TBX18: variants seen among roughly 807,000 people sequenced by gnomAD.
The protein encoded by TBX18 is T-box transcription factor 18, also known as T-box transcription factor TBX18.
TBX18 carries 21 observed loss-of-function variants against 55.0 expected under a neutral mutation model. The observed-to-expected ratio is 0.38, with a 90% CI of 0.27 to 0.55. The LOEUF (loss-of-function observed/expected upper bound fraction) is 0.55, where lower values mean the gene tolerates loss of function less well. TBX18 is among the 20% of genes least tolerant of loss of function. The pLI is 0.73. For missense variants in TBX18, 840 were observed against 799.6 expected (o/e 1.05, Z -0.61); for synonymous variants, 342 against 326.1 (o/e 1.05, Z -0.53).
At chr6:84,755,604 G>T (rs535004453) in intron 4 of TBX18, among the ~76,000 whole-genome samples, 1 of 152,160 alleles carries the variant, frequency 6.6e-6, no homozygotes, top group Non-Finnish European at 1.5e-5. Flanking sequence ...ACATGAAGTT[G>T]GGTACAGAAA....
At chr6:84,738,947 C>G (rs1582064729) in intron 6 of TBX18, among the ~76,000 whole-genome samples, 1 of 152,320 alleles carries the variant, frequency 6.6e-6, no homozygotes, top group East Asian at 1.9e-4. Flanking sequence ...AACACACCCA[C>G]TCTCCTTGTC....
At chr6:84,754,547 A>C (rs1262597814) in intron 4 of TBX18, among the ~76,000 whole-genome samples, 1 of 152,158 alleles carries the variant, frequency 6.6e-6, no homozygotes, top group Non-Finnish European at 1.5e-5. Context: ...CTGCTATGTT[A>C]TTTATTTCCC....
chr6:84,763,497 G>T, intron 1 of TBX18: 1 of 483,578 alleles, frequency 2.1e-6, no homozygotes, highest in South Asian at 1.5e-5. Context: ...CATTCGTTCC[G>T]GTTTCAGGGT....
chr6:84,750,117 C>T (rs1332668337), intron 4 of TBX18, among the ~76,000 whole-genome samples: 1 of 151,980 alleles, frequency 6.6e-6, no homozygotes, highest in Admixed American at 6.6e-5. Context: ...AACTCTGTCT[C>T]TACTAAAAAT....
intron 5 of TBX18, among the ~76,000 whole-genome samples, chr6:84,745,953 G>T (rs2127874567): frequency 6.6e-6 from 1 of 152,186 alleles, no homozygotes; most frequent in Non-Finnish European, 1.5e-5. Context: ...AGTAAGCCAG[G>T]ACCACAGGCT....
chr6:84,737,317 GAGAGGAGCA>G lies in TBX18; in HGVS notation c.1183_1191del (p.Cys395_Ser397del), dbSNP rs754599878. On this transcript the variant is annotated inframe_deletion, in exon 8 of 8. Coordinates refer to ENST00000369663, the MANE Select transcript of TBX18 (RefSeq NM_001080508.3). ...GTGTTGGGCCCCAGATGGAAGGCAG[GAGAGGAGCA>G]AGAGGAGCCAGACAAAAGGTGAGGG... is the stretch of plus-strand genomic sequence containing the variant. The G allele has an allele frequency of 1.2e-5, 20 of 1,600,978 alleles. No individual in the cohort carries two copies. In the South Asian group the frequency reaches 2.3e-4, roughly 18 times the overall value.
chr6:84,751,047 C>A (rs1312292608), intron 4 of TBX18, among the ~76,000 whole-genome samples: 2 of 152,140 alleles, frequency 1.3e-5, no homozygotes, highest in Non-Finnish European at 2.9e-5. Flanking sequence ...AGGGACAAAA[C>A]AATGACACTT....
intron 7 of TBX18, 54 bp downstream of exon 7, chr6:84,738,443 A>G: frequency 7.5e-7 from 1 of 1,338,008 alleles, no homozygotes; most frequent in Non-Finnish European, 1.1e-6. Flanking sequence ...TTAGTGCCTG[A>G]GTTTCTAGGC....
intron 6 of TBX18, chr6:84,741,945 T>C (rs1166506788): frequency 6.6e-6 from 1 of 152,166 alleles, no homozygotes; most frequent in Non-Finnish European, 1.5e-5. Context: ...AAATGTGTCT[T>C]TTGCATTTGT....
chr6:84,757,367 C>G (rs1767521696), intron 3 of TBX18, among the ~76,000 whole-genome samples: 1 of 152,232 alleles, frequency 6.6e-6, no homozygotes, highest in South Asian at 2.1e-4. Flanking sequence ...AGGAAATAGT[C>G]AGAAGTTCTA....
At chr6:84,751,751 C>T (rs1767355652) in intron 4 of TBX18, among the ~76,000 whole-genome samples, 1 of 152,170 alleles carries the variant, frequency 6.6e-6, no homozygotes, top group Non-Finnish European at 1.5e-5. Flanking sequence ...GCAATTTAGA[C>T]AGCAAGCTAG....
intron 2 of TBX18, among the ~76,000 whole-genome samples, chr6:84,760,642 A>C (rs1360982058): frequency 1.3e-5 from 2 of 152,256 alleles, no homozygotes; most frequent in African/African-American, 2.4e-5. Flanking sequence ...GGCACAAAAG[A>C]AAGCATCTTA....
chr6:84,763,895 G>A lies in TBX18; in HGVS notation c.287C>T (p.Ala96Val). The part of the protein sequence containing the change: ...ARSGADLERG[A>V]AGGCEDGFQQ... ...GCAGGAAGGGGCCCACTCACCCGCGGCTCCGCGCTCCAGGTCTGCGCCACT... is the reference window on the plus strand; with the variant it reads ...GCAGGAAGGGGCCCACTCACCCGCGACTCCGCGCTCCAGGTCTGCGCCACT... Residue 96 changes from alanine to valine, a missense_variant, in exon 1 of 8, where the codon GCC becomes GTC. By Grantham distance (64) the Ala-to-Val change is moderately conservative. Transcript: ENST00000369663. The A allele has an allele frequency of 6.6e-7, 1 of 1,507,448 alleles. No homozygotes were observed. The highest frequency in any genetic ancestry group is 8.8e-7 in the Non-Finnish European group (1 of 1,138,258). The allele number at this position is 1,507,448 out of a possible 1,614,324, so 93.4% of individuals were successfully genotyped here. A position where few individuals can be genotyped will look rare whatever the true frequency, so the allele number is the denominator to read the frequency against.
At chr6:84,752,420 G>A (rs1227180632) in intron 4 of TBX18, among the ~76,000 whole-genome samples, 3 of 152,154 alleles carry the variant, frequency 2.0e-5, no homozygotes, top group Non-Finnish European at 4.4e-5. Flanking sequence ...GTAACACCAC[G>A]TACTGACTCC....
rs779887145 is a variant in TBX18 at position 84,733,923 on chromosome 6, C to G, written c.*2762G>C. On this transcript the variant is annotated 3_prime_UTR_variant, in exon 8 of 8. Coordinates refer to ENST00000369663, the MANE Select transcript of TBX18 (RefSeq NM_001080508.3). ...CTTCTCTGGGGGCCACCAAGGATTC[C>G]TGACCCCTTACATTCCAGAAATCAA... 6.6e-6 allele frequency: 1 copy of G among 152,182 alleles called. No individual in the cohort carries two copies. Among genetic ancestry groups the G allele is most frequent in the Non-Finnish European group, 1.5e-5 (1 of 68,044 alleles). The allele number at this position is 152,182 out of a possible 1,614,324, so 9.4% of individuals were successfully genotyped here.
At chr6:84,748,452 C>T (rs1001716062) in intron 4 of TBX18, among the ~76,000 whole-genome samples, 1 of 152,178 alleles carries the variant, frequency 6.6e-6, no homozygotes, top group African/African-American at 2.4e-5. Flanking sequence ...CTGAAATCAT[C>T]ATTTAAATTG....
At chr6:84,754,639 C>A (rs532304707) in intron 4 of TBX18, among the ~76,000 whole-genome samples, 1 of 152,296 alleles carries the variant, frequency 6.6e-6, no homozygotes, top group East Asian at 1.9e-4. Context: ...TAAACAAATG[C>A]TATGTGACAG....
At chr6:84,739,140 A>G (rs1766975508) in intron 6 of TBX18, among the ~76,000 whole-genome samples, 1 of 152,058 alleles carries the variant, frequency 6.6e-6, no homozygotes, top group Admixed American at 6.6e-5. Context: ...CACCCAGTGT[A>G]GCCAGGCTGG....
At chr6:84,763,014 C>CA (rs1297208486) in intron 1 of TBX18, 2 of 562,832 alleles carry the variant, frequency 3.6e-6, no homozygotes, top group Middle Eastern at 4.8e-4. Flanking sequence ...GCGTCCACCC[C>CA]ACCCGCTGGG....
Sources: allele counts gnomAD v4.1 joint callset (sites outside exome capture counted in the v4.1 genomes callset), GRCh38; gene constraint gnomAD v4.1.1; transcripts MANE v1.5; gene names NCBI Gene and HGNC (gene_info 2026-07-23, HGNC 2026-07-21).